Variants in PIK3C2A observed in about 807,000 individuals in gnomAD.
PIK3C2A encodes phosphatidylinositol-4-phosphate 3-kinase catalytic subunit type 2 alpha.
PIK3C2A carries 97 observed loss-of-function variants against 204.5 expected under a neutral mutation model. The ratio of observed to expected loss-of-function variants is 0.47; its 90% confidence interval spans 0.40 to 0.56. The LOEUF (loss-of-function observed/expected upper bound fraction) is 0.56, where lower values mean the gene tolerates loss of function less well. PIK3C2A is among the 20% of genes least tolerant of loss of function. The pLI, the probability that PIK3C2A is intolerant of heterozygous loss-of-function variation, is 0.00. For missense variants in PIK3C2A, 1,735 were observed against 1,969.2 expected, an observed-to-expected ratio of 0.88 and a Z score of 2.25; for synonymous variants, 653 against 664.4, an observed-to-expected ratio of 0.98 and a Z score of 0.26.
intron 8 of PIK3C2A, among the ~76,000 whole-genome samples, chr11:17,143,638 CA>C (rs1398850765): frequency 2.5e-3 from 292 of 118,118 alleles, no homozygotes; most frequent in African/African-American, 8.4e-3. Flanking sequence ...AAAAAAAAAA[CA>C]AAAAAAAAAG....
intron 2 of PIK3C2A, among the ~76,000 whole-genome samples, chr11:17,164,948 C>T (rs1850897474): frequency 6.6e-6 from 1 of 152,072 alleles, no homozygotes; most frequent in African/African-American, 2.4e-5. Flanking sequence ...ATTTTAAATA[C>T]ATAAGAAAAA....
At chr11:17,116,136 G>C (rs1849181610) in intron 19 of PIK3C2A, among the ~76,000 whole-genome samples, 1 of 152,072 alleles carries the variant, frequency 6.6e-6, no homozygotes, top group Non-Finnish European at 1.5e-5. Context: ...AAAAATATTT[G>C]CAAATAGTGT....
At chr11:17,174,288 G>A (rs1236898295) in intron 1 of PIK3C2A, among the ~76,000 whole-genome samples, 1 of 137,902 alleles carries the variant, frequency 7.3e-6, no homozygotes, top group Non-Finnish European at 1.5e-5. Flanking sequence ...AAAATTAGAT[G>A]TATTAAAACA....
chr11:17,101,527 C>T (rs1848621150), intron 24 of PIK3C2A, 93 bp from the exon 25 acceptor site: 2 of 538,166 alleles, frequency 3.7e-6, no homozygotes, highest in Non-Finnish European at 6.1e-6. Flanking sequence ...ATCTGAGGTA[C>T]AGCCATTTCC....
rs749340159 is a variant in PIK3C2A at position 17,092,144 on chromosome 11, A to G, written c.4569+15T>C. ...AAGGTATAAGATGTTATTACTTCTCATTTAGTAAGGTTACCTCTGCTACAT... is the reference window on the plus strand; with the variant it reads ...AAGGTATAAGATGTTATTACTTCTCGTTTAGTAAGGTTACCTCTGCTACAT... On this transcript the variant is annotated intron_variant, in intron 29 of 32. Transcript: ENST00000691414. The G allele has an allele frequency of 4.0e-6, 6 of 1,499,916 alleles. No individual in the cohort carries two copies. The African/African-American group carries it at 4.1e-5, about 10-fold the overall frequency. 92.9% of individuals were successfully genotyped at this position (1,499,916 alleles called of 1,614,324 possible).
chr11:17,104,074 T>C (rs937510369), intron 23 of PIK3C2A, among the ~76,000 whole-genome samples: 1 of 152,144 alleles, frequency 6.6e-6, no homozygotes, highest in African/African-American at 2.4e-5. Context: ...ATAAAGATGA[T>C]CCATTAATGA....
intron 1 of PIK3C2A, among the ~76,000 whole-genome samples, chr11:17,191,005 TA>T (rs1851921859): frequency 6.6e-6 from 1 of 152,066 alleles, no homozygotes; most frequent in African/African-American, 2.4e-5. Context: ...CCAAGCAGGA[TA>T]AAAATATACT....
intron 2 of PIK3C2A, among the ~76,000 whole-genome samples, chr11:17,160,308 G>C (rs551834013): frequency 3.9e-5 from 6 of 152,208 alleles, no homozygotes; most frequent in Non-Finnish European, 5.9e-5. Context: ...ATGTTTAAAG[G>C]CTAGACAAAG....
chr11:17,104,153 G>A (rs1418218276), intron 23 of PIK3C2A, among the ~76,000 whole-genome samples: 1 of 152,110 alleles, frequency 6.6e-6, no homozygotes, highest in Non-Finnish European at 1.5e-5. Context: ...GTTTTCTTGG[G>A]TCTTCCTTAG....
At chr11:17,181,339 T>A (rs1277868441) in intron 1 of PIK3C2A, among the ~76,000 whole-genome samples, 2 of 114,416 alleles carry the variant, frequency 1.7e-5, no homozygotes, top group African/African-American at 6.8e-5. Context: ...CAGTCACCAA[T>A]CATCTGATTT....
At chr11:17,160,772 C>T (rs778951115) in intron 2 of PIK3C2A, among the ~76,000 whole-genome samples, 25 of 129,456 alleles carry the variant, frequency 1.9e-4, no homozygotes, top group Admixed American at 8.3e-4. Flanking sequence ...TGCAGTTAGC[C>T]GAGGTTGCAC....
intron 8 of PIK3C2A, among the ~76,000 whole-genome samples, chr11:17,143,959 CA>C (rs1285258410): frequency 6.6e-6 from 1 of 151,540 alleles, no homozygotes; most frequent in Non-Finnish European, 1.5e-5. Context: ...ACAACAACAA[CA>C]AAAAATCCAG....
chr11:17,180,490 C>G lies in PIK3C2A; in HGVS notation c.-65-10684G>C, dbSNP rs12291561. 6.0e-3 allele frequency among the ~76,000 whole-genome samples: 902 copies of G among 150,886 alleles called. 18 individuals carry two copies. The highest frequency in any genetic ancestry group is 0.021 in the African/African-American group (858 of 40,936). On this transcript the variant is annotated intron_variant, in intron 1 of 32. Transcript: ENST00000691414. ...CTTTCTAATACATTAAAAAGAACTACTAGAAAACAAAACAACAACAACAAC... is the reference window on the plus strand; with the variant it reads ...CTTTCTAATACATTAAAAAGAACTAGTAGAAAACAAAACAACAACAACAAC...
chr11:17,169,902 C>A, intron 1 of PIK3C2A, 96 bp from the exon 2 acceptor site: 1 of 574,582 alleles, frequency 1.7e-6, no homozygotes, highest in South Asian at 2.5e-5. Flanking sequence ...CTTTAAGCCA[C>A]TTAGAAAAAT....
chr11:17,107,503 C>T (rs1848863610), intron 22 of PIK3C2A, among the ~76,000 whole-genome samples: 1 of 151,894 alleles, frequency 6.6e-6, no homozygotes, highest in East Asian at 1.9e-4. Flanking sequence ...AGAATATACA[C>T]AAAACATTTC....
At chr11:17,118,560 G>A (rs1849277235) in intron 18 of PIK3C2A, 85 bp downstream of exon 18, 2 of 671,964 alleles carry the variant, frequency 3.0e-6, no homozygotes, top group Admixed American at 2.5e-5. Context: ...TAAGTAGTGT[G>A]GCATACCATT....
intron 1 of PIK3C2A, among the ~76,000 whole-genome samples, chr11:17,183,697 A>C (rs1424025123): frequency 6.6e-6 from 1 of 152,034 alleles, no homozygotes; most frequent in African/African-American, 2.4e-5. Flanking sequence ...AAAAAAAAAG[A>C]AAACCACTTT....
intron 1 of PIK3C2A, among the ~76,000 whole-genome samples, chr11:17,183,711 G>T (rs1002925166): frequency 5.3e-5 from 8 of 151,834 alleles, no homozygotes; most frequent in African/African-American, 1.9e-4. Flanking sequence ...CCACTTTATC[G>T]TAAGTTATGT....
At chr11:17,200,429 A>G (rs75059061) in intron 1 of PIK3C2A, among the ~76,000 whole-genome samples, 2,467 of 142,112 alleles carry the variant, frequency 0.017, 27 homozygotes, top group Non-Finnish European at 0.03. Context: ...AAAAAAGTTT[A>G]TTAATAAAAA....
Sources: gnomAD v4.1 joint callset for allele counts (sites outside exome capture counted in the v4.1 genomes callset) on GRCh38, gnomAD v4.1.1 for gene constraint, MANE v1.5 for transcripts, NCBI Gene and HGNC (gene_info 2026-07-23, HGNC 2026-07-21) for gene names.